Variants in RPS6KC1 observed in about 807,000 individuals in gnomAD.
The protein encoded by RPS6KC1 is inactive ribosomal protein S6 kinase delta-1.
RPS6KC1 carries 54 observed loss-of-function variants against 103.8 expected under a neutral mutation model. That is an observed-to-expected ratio of 0.52 (90% CI 0.42 to 0.65). The LOEUF (loss-of-function observed/expected upper bound fraction) is 0.65, where lower values mean the gene tolerates loss of function less well. RPS6KC1 is among the 30% of genes least tolerant of loss of function. RPS6KC1 has a pLI of 0.00. For missense variants in RPS6KC1, 1,151 were observed against 1,253.8 expected (o/e 0.92, Z 1.24); for synonymous variants, 439 against 438.7 (o/e 1.00, Z -0.01).
chr1:213,067,929 C>A (rs61834089), intron 1 of RPS6KC1, among the ~76,000 whole-genome samples: 5,196 of 152,166 alleles, frequency 0.034, 122 homozygotes, highest in Middle Eastern at 0.055. Context: ...TGTGGTACTT[C>A]TAATATGTAC....
At chr1:213,505,325 G>A in the RPS6KC1 span, among the ~76,000 whole-genome samples, 1 of 152,144 alleles carries the variant, frequency 6.6e-6, no homozygotes, top group Admixed American at 6.5e-5. Context: ...TCTGGCCAAA[G>A]GACCTCTTGA....
At chr1:213,788,051 A>G in the RPS6KC1 span, among the ~76,000 whole-genome samples, 1 of 152,212 alleles carries the variant, frequency 6.6e-6, no homozygotes, top group South Asian at 2.1e-4. Context: ...GTGGAAACCA[A>G]GAAGCTATTT....
the RPS6KC1 span, among the ~76,000 whole-genome samples, chr1:213,442,443 G>T: frequency 2.6e-5 from 4 of 152,144 alleles, no homozygotes; most frequent in South Asian, 2.1e-4. Context: ...TAGCAGAAAG[G>T]TCAAGAACAT....
At chr1:213,519,538 C>T in the RPS6KC1 span, among the ~76,000 whole-genome samples, 26 of 152,108 alleles carry the variant, frequency 1.7e-4, no homozygotes, top group African/African-American at 6.0e-4. Flanking sequence ...ATATTTTAGA[C>T]ATAATTAAGT....
the RPS6KC1 span, among the ~76,000 whole-genome samples, chr1:213,685,167 G>A: frequency 6.6e-6 from 1 of 152,152 alleles, no homozygotes; most frequent in Admixed American, 6.5e-5. Context: ...GTTGTAACCA[G>A]TTTGAGGACA....
the RPS6KC1 span, among the ~76,000 whole-genome samples, chr1:213,661,642 T>A: frequency 6.6e-6 from 1 of 152,158 alleles, no homozygotes; most frequent in Admixed American, 6.5e-5. Flanking sequence ...TGAGTTCTGT[T>A]TGGTGTCGAA....
chr1:213,079,771 T>C (rs1392106557), intron 3 of RPS6KC1, among the ~76,000 whole-genome samples: 1 of 151,856 alleles, frequency 6.6e-6, no homozygotes, highest in Non-Finnish European at 1.5e-5. Context: ...AACACAAAGG[T>C]AGTATTGAAG....
chr1:213,848,441 T>A, the RPS6KC1 span, among the ~76,000 whole-genome samples: 1 of 152,312 alleles, frequency 6.6e-6, no homozygotes, highest in East Asian at 1.9e-4. Context: ...ACAGTCACTT[T>A]GAGATTCATT....
At chr1:213,718,384 C>A in the RPS6KC1 span, among the ~76,000 whole-genome samples, 2 of 152,208 alleles carry the variant, frequency 1.3e-5, no homozygotes, top group Non-Finnish European at 2.9e-5. Flanking sequence ...TCCTCCTTTA[C>A]AGATGAGAAA....
intron 12 of RPS6KC1, among the ~76,000 whole-genome samples, chr1:213,258,349 A>G (rs750309359): frequency 7.2e-5 from 11 of 152,172 alleles, no homozygotes; most frequent in Non-Finnish European, 1.3e-4. Context: ...GGTGATCCTT[A>G]TAATACTAAG....
the RPS6KC1 span, among the ~76,000 whole-genome samples, chr1:213,602,849 T>G: frequency 6.6e-6 from 1 of 152,194 alleles, no homozygotes; most frequent in East Asian, 1.9e-4. Flanking sequence ...ATTTTCCTAA[T>G]GGAGAGAGCA....
At chr1:213,363,691 TTTCTTTCTTTCC>T in the RPS6KC1 span, among the ~76,000 whole-genome samples, 188 of 72,622 alleles carry the variant, frequency 2.6e-3, 5 homozygotes, top group Middle Eastern at 0.012. Flanking sequence ...TCTTTCTTTC[TTTCTTTCTTTCC>T]TTCTTTCTTT....
chr1:213,277,460 C>T (rs1163036113), downstream of RPS6KC1, among the ~76,000 whole-genome samples: 1 of 152,104 alleles, frequency 6.6e-6, no homozygotes, highest in Non-Finnish European at 1.5e-5. Context: ...GTAAGTTGGG[C>T]CAGGGAGATG....
the RPS6KC1 span, among the ~76,000 whole-genome samples, chr1:213,414,101 G>A: frequency 9.7e-3 from 1,472 of 152,244 alleles, 30 homozygotes; most frequent in African/African-American, 0.034. Flanking sequence ...ATTTTGACAG[G>A]CCTGGAGGTG....
the RPS6KC1 span, among the ~76,000 whole-genome samples, chr1:213,746,939 T>A: frequency 6.6e-6 from 1 of 152,210 alleles, no homozygotes; most frequent in Non-Finnish European, 1.5e-5. Context: ...GTGTTAGACA[T>A]CCAAGTGGAG....
the RPS6KC1 span, among the ~76,000 whole-genome samples, chr1:213,845,400 C>A: frequency 6.6e-6 from 1 of 152,184 alleles, no homozygotes; most frequent in African/African-American, 2.4e-5. Flanking sequence ...CTTTTCAACA[C>A]TACACACACC....
At chr1:213,706,307 G>A in the RPS6KC1 span, among the ~76,000 whole-genome samples, 3 of 152,154 alleles carry the variant, frequency 2.0e-5, no homozygotes, top group Admixed American at 2.0e-4. Context: ...TTGTTTAAAT[G>A]CTCCTTCTGT....
At chr1:213,156,394 G>T (rs1371987126) in intron 6 of RPS6KC1, among the ~76,000 whole-genome samples, 1 of 152,144 alleles carries the variant, frequency 6.6e-6, no homozygotes, top group African/African-American at 2.4e-5. Context: ...GAACTGGGAC[G>T]TGTGAAAATG....
At chr1:213,429,276 G>A in the RPS6KC1 span, among the ~76,000 whole-genome samples, 1 of 152,100 alleles carries the variant, frequency 6.6e-6, no homozygotes, top group Non-Finnish European at 1.5e-5. Flanking sequence ...TCAGCCTCCT[G>A]AGTAGTAGCT....
Sources: allele counts gnomAD v4.1 joint callset (sites outside exome capture counted in the v4.1 genomes callset), GRCh38; gene constraint gnomAD v4.1.1; transcripts MANE v1.5; gene names NCBI Gene and HGNC (gene_info 2026-07-23, HGNC 2026-07-21).